Variants in FARP1 observed in about 807,000 individuals in gnomAD.
The protein encoded by FARP1 is FERM, ARHGEF and pleckstrin domain-containing protein 1.
A neutral mutation model predicts 128.8 loss-of-function variants in FARP1; 52 were observed. That is an observed-to-expected ratio of 0.40 (90% CI 0.32 to 0.51). The LOEUF is 0.51. Ranked by LOEUF, FARP1 falls within the 20% of genes least tolerant of loss-of-function variation. The probability of loss-of-function intolerance (pLI) is 0.45; values close to 1 mark genes in which losing one functional copy is unlikely to be tolerated. For missense variants in FARP1, 1,333 were observed against 1,367.9 expected (o/e 0.97, Z 0.40); for synonymous variants, 580 against 551.8 (o/e 1.05, Z -0.72).
At chr13:98,257,499 G>A (rs369838723) in intron 2 of FARP1, among the ~76,000 whole-genome samples, 42 of 152,300 alleles carry the variant, frequency 2.8e-4, no homozygotes, top group African/African-American at 1.0e-3. Flanking sequence ...GAGGCTGGGT[G>A]CAGTGGCTCA....
At chr13:98,390,183 C>T in intron 10 of FARP1, 63 bp downstream of exon 10, 2 of 1,544,196 alleles carry the variant, frequency 1.3e-6, no homozygotes, top group South Asian at 2.4e-5. Flanking sequence ...CCTCTCACAG[C>T]CGCTGTGACA....
intron 18 of FARP1, chr13:98,432,660 T>TA (rs1478404909): frequency 2.0e-5 from 3 of 152,270 alleles, no homozygotes; most frequent in African/African-American, 7.2e-5. Context: ...TCCATCTTCT[T>TA]ACACCTTGGC....
intron 6 of FARP1, among the ~76,000 whole-genome samples, chr13:98,380,751 TA>T (rs1889863460): frequency 1.3e-5 from 2 of 152,120 alleles, no homozygotes; most frequent in African/African-American, 2.4e-5. Context: ...TTTTTTCTTT[TA>T]TTTTTTTGTA....
At chr13:98,228,200 A>T (rs1165011149) in intron 2 of FARP1, among the ~76,000 whole-genome samples, 1 of 152,156 alleles carries the variant, frequency 6.6e-6, no homozygotes, top group Non-Finnish European at 1.5e-5. Context: ...CTCTACTAAA[A>T]ATACAAAGAA....
At chr13:98,262,581 C>G (rs1883934595) in intron 2 of FARP1, among the ~76,000 whole-genome samples, 1 of 152,196 alleles carries the variant, frequency 6.6e-6, no homozygotes, top group Non-Finnish European at 1.5e-5. Context: ...TTCATAGAAA[C>G]TGGTTATTCC....
Position 98,453,408 on chromosome 13 carries a change from C to T in FARP1, c.*5091C>T. ...GAAGATCATGATTCTTACACAAAAA[C>T]TCCAGAGCATGTCACCAAAAACCAA... is the stretch of plus-strand genomic sequence containing the variant. On this transcript the variant is annotated 3_prime_UTR_variant, in exon 27 of 27. Coordinates refer to ENST00000319562, the MANE Select transcript of FARP1 (RefSeq NM_005766.4). 1.7e-6 allele frequency: 1 copy of T among 589,542 alleles called. No homozygotes were observed. The highest frequency in any genetic ancestry group is 3.0e-5 in the East Asian group (1 of 33,402). The allele number at this position is 589,542 out of a possible 1,614,324, so 36.5% of individuals were successfully genotyped here.
intron 2 of FARP1, among the ~76,000 whole-genome samples, chr13:98,289,146 C>G (rs1290832829): frequency 5.3e-5 from 8 of 152,142 alleles, no homozygotes; most frequent in Non-Finnish European, 1.2e-4. Context: ...TAGTCCTATG[C>G]CAAGACTTGT....
chr13:98,323,333 C>T (rs1263594329), intron 2 of FARP1, among the ~76,000 whole-genome samples: 1 of 149,446 alleles, frequency 6.7e-6, no homozygotes, highest in Non-Finnish European at 1.5e-5. Flanking sequence ...AAAGGCAACT[C>T]GATTTTATTT....
At chr13:98,220,009 T>C (rs1881322043) in intron 2 of FARP1, among the ~76,000 whole-genome samples, 1 of 151,650 alleles carries the variant, frequency 6.6e-6, no homozygotes, top group South Asian at 2.1e-4. Context: ...TCTTAGGGAA[T>C]GTGCCCTTTT....
intron 2 of FARP1, chr13:98,331,627 A>ATCCCTGCTGG (rs1253996255): frequency 6.6e-6 from 1 of 152,214 alleles, no homozygotes; most frequent in Non-Finnish European, 1.5e-5. Context: ...GACTTCTTGA[A>ATCCCTGCTGG]TCCCTGCTGG....
intron 1 of FARP1, among the ~76,000 whole-genome samples, chr13:98,192,371 C>G (rs182770656): frequency 6.6e-6 from 1 of 152,040 alleles, no homozygotes; most frequent in Non-Finnish European, 1.5e-5. Context: ...GCCATCAACC[C>G]CAGCAATGTA....
chr13:98,312,294 C>T (rs929333098), intron 2 of FARP1, among the ~76,000 whole-genome samples: 5 of 151,948 alleles, frequency 3.3e-5, no homozygotes, highest in African/African-American at 9.7e-5. Flanking sequence ...GCGCCCGCTA[C>T]CACGCCTGGC....
At position 98,409,272 on chromosome 13, in the gene FARP1, G is replaced by A. The variant is rs139741108; in HGVS notation, c.1415-66G>A. The stretch of plus-strand genomic sequence containing the variant: ...ACGATTTGAAAAAGGTGAAAGTAGT[G>A]AATAGAAATCAGGTCCCAGAAAAAA... On this transcript the variant is annotated intron_variant, in intron 13 of 26. Transcript: ENST00000319562. 5.5e-4 allele frequency: 703 copies of A among 1,273,482 alleles called. 3 individuals are homozygous for A. The African/African-American group carries it at 9.3e-3, about 17-fold the overall frequency. The allele number at this position is 1,273,482 out of a possible 1,614,324, so 78.9% of individuals were successfully genotyped here.
chr13:98,232,478 G>GT (rs552859611), intron 2 of FARP1, among the ~76,000 whole-genome samples: 20 of 152,220 alleles, frequency 1.3e-4, no homozygotes, highest in Middle Eastern at 6.8e-3. Flanking sequence ...CAGATATTGC[G>GT]TTTTTTACAA....
At chr13:98,435,411 A>G in intron 18 of FARP1, 165 bp from the exon 19 acceptor site, 1 of 638,320 alleles carries the variant, frequency 1.6e-6, no homozygotes, top group Non-Finnish European at 2.6e-6. Context: ...AAAATACACC[A>G]TCAATTTTTA....
chr13:98,261,185 C>CT (rs1883862844), intron 2 of FARP1, among the ~76,000 whole-genome samples: 2 of 152,318 alleles, frequency 1.3e-5, no homozygotes, highest in Non-Finnish European at 2.9e-5. Context: ...TGGTCCCATG[C>CT]TTTGCTTTTC....
chr13:98,415,531 CAGGCACATA>C (rs1413187205), intron 16 of FARP1, among the ~76,000 whole-genome samples: 1 of 152,248 alleles, frequency 6.6e-6, no homozygotes, highest in Admixed American at 6.5e-5. Context: ...AAGGAGGAGG[CAGGCACATA>C]GGGCACAGAG....
At chr13:98,369,126 T>C (rs1486996032) in intron 5 of FARP1, among the ~76,000 whole-genome samples, 1 of 152,018 alleles carries the variant, frequency 6.6e-6, no homozygotes, top group African/African-American at 2.4e-5. Flanking sequence ...CATTTCACCA[T>C]GTTGGCCAGA....
intron 12 of FARP1, 26 bp from the exon 13 acceptor site, chr13:98,395,201 C>T (rs765862215): frequency 1.0e-5 from 16 of 1,574,386 alleles, no homozygotes; most frequent in Middle Eastern, 1.7e-4. Context: ...TCTATCTCTC[C>T]GCACCTTTTT....
Sources: gnomAD v4.1 joint callset for allele counts (sites outside exome capture counted in the v4.1 genomes callset) on GRCh38, gnomAD v4.1.1 for gene constraint, MANE v1.5 for transcripts, NCBI Gene and HGNC (gene_info 2026-07-23, HGNC 2026-07-21) for gene names.